The following NKAIN3 variants were observed in gnomAD, a reference collection of about 807,000 sequenced individuals.
NKAIN3 encodes the protein sodium/potassium transporting ATPase interacting 3.
Under a neutral mutation model 30.2 loss-of-function variants are expected in NKAIN3, and 25 were observed. That is an observed-to-expected ratio of 0.83 (90% CI 0.60 to 1.16). The LOEUF (loss-of-function observed/expected upper bound fraction) is 1.16. Ranked by LOEUF, NKAIN3 falls within the 50% of genes most tolerant of loss-of-function variation. NKAIN3 has a pLI of 0.00. For missense variants in NKAIN3, 225 were observed against 254.1 expected (o/e 0.89, Z 0.78); for synonymous variants, 91 against 89.6 (o/e 1.02, Z -0.09).
chr8:62,911,052 C>T (rs1365645237), intron 4 of NKAIN3, among the ~76,000 whole-genome samples: 3 of 151,910 alleles, frequency 2.0e-5, no homozygotes, highest in East Asian at 3.9e-4. Context: ...AATATGTTAA[C>T]GTATACTTTA....
At chr8:62,249,379 TC>T (rs1319131411) in intron 1 of NKAIN3, among the ~76,000 whole-genome samples, 1 of 152,120 alleles carries the variant, frequency 6.6e-6, no homozygotes, top group African/African-American at 2.4e-5. Flanking sequence ...TTCGCCGCGC[TC>T]CCGCCGGGCG....
intron 1 of NKAIN3, among the ~76,000 whole-genome samples, chr8:62,342,220 C>T (rs2351944): frequency 0.96 from 134,690 of 139,914 alleles, 64,923 homozygotes; most frequent in East Asian, 1. Context: ...GAATTGCACC[C>T]CTCAACCACT....
At chr8:62,672,740 T>C (rs1813345640) in intron 3 of NKAIN3, among the ~76,000 whole-genome samples, 1 of 152,202 alleles carries the variant, frequency 6.6e-6, no homozygotes, top group Admixed American at 6.5e-5. Context: ...TTTTATTCTC[T>C]AGATAAACTT....
At chr8:62,511,540 C>G (rs1003676567) in intron 1 of NKAIN3, among the ~76,000 whole-genome samples, 3 of 152,140 alleles carry the variant, frequency 2.0e-5, no homozygotes, top group African/African-American at 7.2e-5. Context: ...ATCCTCTGCC[C>G]AAAATCTTTC....
At chr8:62,409,915 A>G (rs1167742120) in intron 1 of NKAIN3, among the ~76,000 whole-genome samples, 2 of 152,152 alleles carry the variant, frequency 1.3e-5, no homozygotes, top group Non-Finnish European at 2.9e-5. Context: ...TTGTACACAC[A>G]TGATTTTAAA....
In NKAIN3 at chr8:62,612,306, C is replaced by T. The variant is rs149086215; in HGVS notation, c.273+22512C>T. Among the ~76,000 whole-genome samples, 718 of 151,960 alleles carry T rather than the reference C, an allele frequency of 4.7e-3. 2 individuals are homozygous for T. Among genetic ancestry groups the T allele is most frequent in the Admixed American group, 7.9e-3 (121 of 15,258 alleles). The stretch of plus-strand genomic sequence containing the variant: ...TATCTGGGTGCTCTCACATTGGGTG[C>T]GTATATATTTAAAATTGTTATATCC... On this transcript the variant is annotated intron_variant, in intron 3 of 6. Transcript: ENST00000623646.
chr8:62,658,364 T>C (rs1303356149), intron 3 of NKAIN3, among the ~76,000 whole-genome samples: 2 of 152,192 alleles, frequency 1.3e-5, no homozygotes, highest in African/African-American at 4.8e-5. Context: ...ACAAGACTCT[T>C]TAGGAAACCG....
At chr8:62,356,012 C>A (rs922148204) in intron 1 of NKAIN3, among the ~76,000 whole-genome samples, 1 of 152,090 alleles carries the variant, frequency 6.6e-6, no homozygotes, top group Non-Finnish European at 1.5e-5. Flanking sequence ...TAACTTCCAA[C>A]GGTGGCAGGT....
At chr8:62,786,590 A>T (rs989023380) in intron 4 of NKAIN3, among the ~76,000 whole-genome samples, 5 of 152,168 alleles carry the variant, frequency 3.3e-5, no homozygotes, top group African/African-American at 1.2e-4. Flanking sequence ...AGAAGGGCAC[A>T]AAAAAGAAAA....
At chr8:62,662,079 G>T (rs528679149) in intron 3 of NKAIN3, among the ~76,000 whole-genome samples, 1 of 152,230 alleles carries the variant, frequency 6.6e-6, no homozygotes, top group South Asian at 2.1e-4. Context: ...ACCAAAAGGA[G>T]CCCCCTGAAA....
At chr8:62,930,225 C>T (rs1341982948) in intron 5 of NKAIN3, among the ~76,000 whole-genome samples, 3 of 151,928 alleles carry the variant, frequency 2.0e-5, no homozygotes, top group Non-Finnish European at 2.9e-5. Context: ...TTTCATCCTC[C>T]CCTCCCTCCA....
chr8:62,289,719 A>T (rs1231529678), intron 1 of NKAIN3, among the ~76,000 whole-genome samples: 2 of 151,978 alleles, frequency 1.3e-5, no homozygotes, highest in African/African-American at 4.8e-5. Flanking sequence ...TTGTCTTGGC[A>T]ATGTGGGCTA....
intron 4 of NKAIN3, among the ~76,000 whole-genome samples, chr8:62,799,970 T>A (rs111302125): frequency 0.011 from 1,611 of 152,298 alleles, 22 homozygotes; most frequent in South Asian, 0.031. Context: ...AAATATCATA[T>A]GTTCTCACTC....
chr8:62,575,032 C>A (rs1309963342), intron 1 of NKAIN3, among the ~76,000 whole-genome samples: 1 of 151,970 alleles, frequency 6.6e-6, no homozygotes, highest in Non-Finnish European at 1.5e-5. Context: ...TAGGGAGAAA[C>A]TGAAAGTGTT....
Position 62,279,814 on chromosome 8 carries a change from T to C in NKAIN3, c.54+30687T>C, listed in dbSNP as rs549827183. Among the ~76,000 whole-genome samples, 5 of 152,346 alleles carry C rather than the reference T, an allele frequency of 3.3e-5. No homozygotes were observed. The East Asian group carries it at 9.7e-4, about 29-fold the overall frequency. On this transcript the variant is annotated intron_variant, in intron 1 of 6. Transcript: ENST00000623646. ...GTTTGAAGTCAGGTAGCATGATGCCTCCAGCTTTGTCCTTTTGGCTTAGGA... is the reference window on the plus strand; with the variant it reads ...GTTTGAAGTCAGGTAGCATGATGCCCCCAGCTTTGTCCTTTTGGCTTAGGA...
chr8:62,991,009 G>A (rs1824308693), intron 5 of NKAIN3: 1 of 152,244 alleles, frequency 6.6e-6, no homozygotes, highest in Non-Finnish European at 1.5e-5. Context: ...GCTGAGACCT[G>A]AAGAACGAGG....
intron 5 of NKAIN3, among the ~76,000 whole-genome samples, chr8:62,938,061 G>T (rs1283193516): frequency 6.6e-6 from 1 of 152,060 alleles, no homozygotes; most frequent in Non-Finnish European, 1.5e-5. Flanking sequence ...TGTCCAAAGA[G>T]AGGCTGAGCT....
At chr8:62,439,542 G>T (rs930403564) in intron 1 of NKAIN3, among the ~76,000 whole-genome samples, 1 of 152,144 alleles carries the variant, frequency 6.6e-6, no homozygotes, top group African/African-American at 2.4e-5. Flanking sequence ...TTCATCCTGA[G>T]TAAAAAAATG....
chr8:62,842,859 A>C (rs1395497012), intron 4 of NKAIN3, among the ~76,000 whole-genome samples: 1 of 152,078 alleles, frequency 6.6e-6, no homozygotes, highest in Non-Finnish European at 1.5e-5. Context: ...CTCCAAAATA[A>C]ACTCAAAATG....
Sources: gnomAD v4.1 joint callset for allele counts (sites outside exome capture counted in the v4.1 genomes callset) on GRCh38, gnomAD v4.1.1 for gene constraint, MANE v1.5 for transcripts, NCBI Gene and HGNC (gene_info 2026-07-23, HGNC 2026-07-21) for gene names.